Variants in BCR observed in about 807,000 individuals in gnomAD.
BCR encodes BCR activator of RhoGEF and GTPase.
BCR carries 58 observed loss-of-function variants against 138.6 expected under a neutral mutation model. The ratio of observed to expected loss-of-function variants is 0.42; its 90% confidence interval spans 0.34 to 0.52. BCR has a LOEUF of 0.52. Ranked by LOEUF, BCR falls within the 20% of genes least tolerant of loss-of-function variation. BCR has a pLI of 0.06. For synonymous variants in BCR, 786 were observed against 730.1 expected (o/e 1.08, Z -1.23); for missense variants, 1,599 against 1,727.2 (o/e 0.93, Z 1.32).
chr22:23,295,413 G>C (rs1220106756), intron 16 of BCR, among the ~76,000 whole-genome samples: 2 of 152,174 alleles, frequency 1.3e-5, no homozygotes, highest in Non-Finnish European at 2.9e-5. Context: ...TGGTTTTGCA[G>C]CTGGGGCCTC....
Position 23,312,866 on chromosome 22 carries a change from G to T in BCR, c.3323-21G>T, listed in dbSNP as rs770094717. 124 of 1,595,858 alleles carry T rather than the reference G, an allele frequency of 7.8e-5. 1 individual carries two copies. The highest frequency in any genetic ancestry group is 1.0e-4 in the Non-Finnish European group (119 of 1,178,526). On this transcript the variant is annotated intron_variant, in intron 19 of 22. Transcript: ENST00000305877. ...ACTCGGGATCCTCAAGGAGGCCGCT[G>T]CATTTCCGTGCTCTTTCCAGATAAC... is the stretch of plus-strand genomic sequence containing the variant.
At chr22:23,241,066 T>G (rs2073084905) in intron 1 of BCR, among the ~76,000 whole-genome samples, 1 of 152,222 alleles carries the variant, frequency 6.6e-6, no homozygotes, top group Non-Finnish European at 1.5e-5. Context: ...ACGTTCTGGT[T>G]TTCCACTCAT....
chr22:23,314,947 G>A (rs969525294), intron 22 of BCR, among the ~76,000 whole-genome samples: 14 of 152,342 alleles, frequency 9.2e-5, no homozygotes, highest in South Asian at 2.1e-4. Context: ...TCAAGTGTTC[G>A]GGTGTGGTGG....
intron 2 of BCR, among the ~76,000 whole-genome samples, chr22:23,256,802 C>G (rs2073300176): frequency 6.6e-6 from 1 of 152,150 alleles, no homozygotes; most frequent in Non-Finnish European, 1.5e-5. Flanking sequence ...CAGCTGACAA[C>G]AGTTTTATTC....
Position 23,292,525 on chromosome 22 carries a change from C to G in BCR, c.2783-16C>G, listed in dbSNP as rs373153010. 22 of 1,595,866 alleles carry G rather than the reference C, an allele frequency of 1.4e-5. No homozygotes were observed. Among genetic ancestry groups the G allele is most frequent in the Non-Finnish European group, 1.9e-5 (22 of 1,164,254 alleles). On this transcript the variant is annotated splice_polypyrimidine_tract_variant and intron_variant, in intron 14 of 22. Transcript: ENST00000305877. ...AAAAGACCTGTGACCTTCTCCATGTCCACTTCTCCCCACAGATCTGTACTG... is the reference window on the plus strand; with the variant it reads ...AAAAGACCTGTGACCTTCTCCATGTGCACTTCTCCCCACAGATCTGTACTG...
In BCR at chr22:23,182,124, C is replaced by G; in HGVS notation, c.1164C>G (p.Cys388Trp). ...FDSSSPPTPQ[C>W]HKRHRHCPVV... ...GCAGCAGTCCCCCCACGCCGCAGTGCCATAAGCGGCACCGGCACTGCCCGG... is the reference window on the plus strand; with the variant it reads ...GCAGCAGTCCCCCCACGCCGCAGTGGCATAAGCGGCACCGGCACTGCCCGG... Residue 388 changes from cysteine to tryptophan, a missense_variant, in exon 1 of 23, where the codon TGC becomes TGG. Transcript: ENST00000305877. The G allele has an allele frequency of 6.2e-7, 1 of 1,611,766 alleles. No homozygotes were observed. The highest frequency in any genetic ancestry group is 8.5e-7 in the Non-Finnish European group (1 of 1,179,986).
chr22:23,309,104 C>T (rs1403899887), intron 16 of BCR, among the ~76,000 whole-genome samples: 1 of 152,158 alleles, frequency 6.6e-6, no homozygotes, highest in East Asian at 1.9e-4. Flanking sequence ...CACTGAGCTC[C>T]ACATAGCACC....
chr22:23,284,848 G>T (rs1413805808), intron 9 of BCR, among the ~76,000 whole-genome samples, 185 bp from the exon 10 acceptor site: 1 of 152,186 alleles, frequency 6.6e-6, no homozygotes, highest in Non-Finnish European at 1.5e-5. Context: ...CAGAGTGTCT[G>T]TTCCCAGGAA....
At chr22:23,276,229 C>G (rs908442207) in intron 8 of BCR, among the ~76,000 whole-genome samples, 3 of 152,064 alleles carry the variant, frequency 2.0e-5, no homozygotes, top group Non-Finnish European at 4.4e-5. Context: ...AAAACCCCAT[C>G]TCTACTAAAA....
intron 1 of BCR, among the ~76,000 whole-genome samples, chr22:23,238,119 GT>G (rs1355236318): frequency 1.3e-5 from 2 of 152,062 alleles, no homozygotes; most frequent in Non-Finnish European, 2.9e-5. Flanking sequence ...GAAACGAGGA[GT>G]TTCATCTGCA....
rs1005752170 is a variant in BCR at position 23,242,419 on chromosome 22, G to A, written c.1280-11380G>A. 5.3e-5 allele frequency among the ~76,000 whole-genome samples: 8 copies of A among 152,208 alleles called. No individual in the cohort carries two copies. The South Asian group carries it at 1.7e-3, about 32-fold the overall frequency. Reference sequence around the variant, plus strand: ...CAGAGGAATCTTTATGGCTTGCTGAGTATAGCAAGAAACAGGTCAGCTAGC... The same window carrying A: ...CAGAGGAATCTTTATGGCTTGCTGAATATAGCAAGAAACAGGTCAGCTAGC... On this transcript the variant is annotated intron_variant, in intron 1 of 22. Transcript: ENST00000305877.
At chr22:23,209,567 G>A (rs2072658231) in intron 1 of BCR, among the ~76,000 whole-genome samples, 1 of 136,050 alleles carries the variant, frequency 7.4e-6, no homozygotes, top group African/African-American at 3.7e-5. Context: ...TTTTTGAGAT[G>A]GAGTCTCGCT....
At chr22:23,312,780 C>T (rs1568987393) in intron 19 of BCR, 107 bp from the exon 20 acceptor site, 16 of 1,348,498 alleles carry the variant, frequency 1.2e-5, no homozygotes, top group East Asian at 2.3e-5. Flanking sequence ...AGGAGGGACC[C>T]GCACAGTGGT....
chr22:23,263,901 A>T (rs1350486064), intron 4 of BCR: 1 of 955,908 alleles, frequency 1.0e-6, no homozygotes, highest in East Asian at 2.4e-5. Context: ...CTCTTTTGTG[A>T]CAGGGACGGC....
chr22:23,298,126 G>C (rs1350561420), intron 16 of BCR, among the ~76,000 whole-genome samples: 4 of 152,222 alleles, frequency 2.6e-5, no homozygotes, highest in African/African-American at 9.6e-5. Flanking sequence ...AAGTCACTTG[G>C]ATGAGTGGGG....
chr22:23,273,186 C>CA, intron 7 of BCR, 53 bp downstream of exon 7: 1 of 1,571,612 alleles, frequency 6.4e-7, no homozygotes. Flanking sequence ...CTCGGGCACA[C>CA]ACAGCAACAA....
intron 4 of BCR, among the ~76,000 whole-genome samples, chr22:23,267,813 A>G (rs969126625): frequency 5.9e-5 from 9 of 152,226 alleles, no homozygotes; most frequent in Non-Finnish European, 1.0e-4. Flanking sequence ...AGAACAAACA[A>G]CACCTCTCGC....
intron 15 of BCR, among the ~76,000 whole-genome samples, chr22:23,294,022 C>T (rs560595957): frequency 2.6e-5 from 4 of 152,326 alleles, no homozygotes; most frequent in African/African-American, 9.6e-5. Context: ...CTCCAAGTCC[C>T]TCTCCCTCCT....
At chr22:23,277,713 G>T (rs1270685015) in intron 8 of BCR, among the ~76,000 whole-genome samples, 2 of 152,184 alleles carry the variant, frequency 1.3e-5, no homozygotes, top group African/African-American at 2.4e-5. Flanking sequence ...AGAGGCCCAG[G>T]TATGAGCCCT....
Sources: allele counts gnomAD v4.1 joint callset (sites outside exome capture counted in the v4.1 genomes callset), GRCh38; gene constraint gnomAD v4.1.1; transcripts MANE v1.5; gene names NCBI Gene and HGNC (gene_info 2026-07-23, HGNC 2026-07-21).